FAT3: variants seen among roughly 807,000 people sequenced by gnomAD.
FAT3 encodes the protein protocadherin Fat 3.
Under a neutral mutation model 310.2 loss-of-function variants are expected in FAT3, and 95 were observed. The ratio of observed to expected loss-of-function variants is 0.31; its 90% CI spans 0.26 to 0.36. The LOEUF (loss-of-function observed/expected upper bound fraction) is 0.36. Among genes scored for constraint, FAT3 ranks in the 10% least tolerant of loss-of-function variants. The pLI, the probability that FAT3 is intolerant of heterozygous loss-of-function variation, is 1.00. For missense variants in FAT3, 5,408 were observed against 5,715.6 expected, an observed-to-expected ratio of 0.95 and a Z score of 1.74; for synonymous variants, 2,314 against 2,192.9, an observed-to-expected ratio of 1.06 and a Z score of -1.54.
intron 3 of FAT3, among the ~76,000 whole-genome samples, chr11:92,632,353 C>T (rs1941587122): frequency 6.6e-6 from 1 of 152,170 alleles, no homozygotes; most frequent in African/African-American, 2.4e-5. Flanking sequence ...ATTTAAATTT[C>T]ACATCCCCTT....
chr11:92,320,901 A>C (rs190093573), intron 1 of FAT3, among the ~76,000 whole-genome samples: 3 of 151,580 alleles, frequency 2.0e-5, no homozygotes, highest in Non-Finnish European at 4.4e-5. Context: ...CTTATTTATA[A>C]TGTCCTTAGA....
chr11:92,468,210 G>C (rs1218809838), intron 2 of FAT3, among the ~76,000 whole-genome samples: 1 of 152,164 alleles, frequency 6.6e-6, no homozygotes, highest in African/African-American at 2.4e-5. Context: ...TGTGGATAGA[G>C]CATGGATTGT....
At chr11:92,665,412 G>A (rs908936942) in intron 3 of FAT3, among the ~76,000 whole-genome samples, 3 of 152,280 alleles carry the variant, frequency 2.0e-5, no homozygotes, top group African/African-American at 4.8e-5. Flanking sequence ...TCTGTTGACA[G>A]CAAGGTTTCT....
chr11:92,528,632 C>T (rs1053512614), intron 3 of FAT3, among the ~76,000 whole-genome samples: 18 of 151,474 alleles, frequency 1.2e-4, no homozygotes, highest in African/African-American at 2.9e-4. Context: ...ATGATCCGCC[C>T]GCCTTGGCCT....
At chr11:92,483,977 C>T (rs978666736) in intron 2 of FAT3, among the ~76,000 whole-genome samples, 2 of 152,168 alleles carry the variant, frequency 1.3e-5, no homozygotes, top group Admixed American at 6.5e-5. Flanking sequence ...GATTGTGGTA[C>T]ACTCACATGA....
intron 4 of FAT3, among the ~76,000 whole-genome samples, chr11:92,752,364 G>A (rs1389500489): frequency 1.3e-5 from 2 of 152,232 alleles, no homozygotes; most frequent in African/African-American, 4.8e-5. Context: ...CTTAAGAATA[G>A]TGTGACCTTT....
chr11:92,817,642 C>T (rs912207034), intron 13 of FAT3, among the ~76,000 whole-genome samples: 1 of 152,206 alleles, frequency 6.6e-6, no homozygotes, highest in African/African-American at 2.4e-5. Context: ...CTGGGTTTTC[C>T]AAAGCAAAGC....
chr11:92,494,634 G>A (rs1952701351), intron 2 of FAT3, among the ~76,000 whole-genome samples: 1 of 151,838 alleles, frequency 6.6e-6, no homozygotes, highest in African/African-American at 2.4e-5. Flanking sequence ...TAGAGATGAG[G>A]AAATTATTAC....
chr11:92,735,266 T>C (rs905184462), intron 4 of FAT3, among the ~76,000 whole-genome samples: 10 of 152,152 alleles, frequency 6.6e-5, no homozygotes, highest in African/African-American at 2.4e-4. Context: ...ATAGCCATTT[T>C]CATGATTGCA....
chr11:92,618,381 T>G (rs1186229088), intron 3 of FAT3, among the ~76,000 whole-genome samples: 1 of 152,182 alleles, frequency 6.6e-6, no homozygotes, highest in African/African-American at 2.4e-5. Flanking sequence ...CCATCTGTCA[T>G]GGCTTTCCTT....
chr11:92,757,652 G>A (rs963139289), intron 4 of FAT3, among the ~76,000 whole-genome samples: 3 of 152,182 alleles, frequency 2.0e-5, no homozygotes, highest in African/African-American at 7.2e-5. Context: ...AGGCACAAAT[G>A]TGGCAGGGCA....
intron 3 of FAT3, among the ~76,000 whole-genome samples, chr11:92,641,420 T>G (rs1411628363): frequency 1.3e-5 from 2 of 152,222 alleles, no homozygotes; most frequent in Admixed American, 6.5e-5. Context: ...CTCACAGTCC[T>G]GGATGCCAGA....
At chr11:92,505,887 G>C (rs1284420840) in intron 2 of FAT3, among the ~76,000 whole-genome samples, 5 of 152,110 alleles carry the variant, frequency 3.3e-5, no homozygotes, top group African/African-American at 1.2e-4. Context: ...GTAGGCGCTG[G>C]ACTCCATGTT....
chr11:92,415,356 C>A (rs1434646902), intron 2 of FAT3, among the ~76,000 whole-genome samples: 3 of 152,146 alleles, frequency 2.0e-5, no homozygotes, highest in Admixed American at 2.0e-4. Context: ...TTGGGTATTA[C>A]ATTCCTAGAT....
intron 3 of FAT3, among the ~76,000 whole-genome samples, chr11:92,645,443 T>A (rs1408525421): frequency 6.7e-6 from 1 of 150,310 alleles, no homozygotes; most frequent in Non-Finnish European, 1.5e-5. Context: ...CCTTTTTTCC[T>A]AATAAAAGTT....
At chr11:92,769,138 C>T (rs1481372238) in intron 6 of FAT3, among the ~76,000 whole-genome samples, 4 of 152,170 alleles carry the variant, frequency 2.6e-5, no homozygotes, top group Admixed American at 6.5e-5. Flanking sequence ...ACCCTTGCAT[C>T]GAGGATCTGT....
At chr11:92,865,181 A>G (rs1443114629) in intron 21 of FAT3, among the ~76,000 whole-genome samples, 1 of 152,250 alleles carries the variant, frequency 6.6e-6, no homozygotes, top group Non-Finnish European at 1.5e-5. Context: ...ACGAAATTTT[A>G]TGCAGGATGA....
intron 4 of FAT3, among the ~76,000 whole-genome samples, chr11:92,700,770 ATC>A (rs1487167372): frequency 6.6e-6 from 1 of 151,734 alleles, no homozygotes; most frequent in African/African-American, 2.4e-5. Flanking sequence ...TTCAATATCA[ATC>A]TCTCTCTCCC....
intron 8 of FAT3, 33 bp downstream of exon 8, chr11:92,790,251 G>A (rs1177978365): frequency 1.9e-6 from 3 of 1,606,968 alleles, no homozygotes; most frequent in East Asian, 4.5e-5. Flanking sequence ...CACTCCTACA[G>A]AACCACTGAC....
Sources: gnomAD v4.1 joint callset for allele counts (sites outside exome capture counted in the v4.1 genomes callset) on GRCh38, gnomAD v4.1.1 for gene constraint, MANE v1.5 for transcripts, NCBI Gene and HGNC (gene_info 2026-07-23, HGNC 2026-07-21) for gene names.